Variants in SNX7 observed in about 807,000 individuals in gnomAD.
SNX7 encodes sorting nexin 7.
A neutral mutation model predicts 48.4 loss-of-function variants in SNX7; 35 were observed. That is an observed-to-expected ratio of 0.72 (90% confidence interval 0.55 to 0.96). The LOEUF (loss-of-function observed/expected upper bound fraction) is 0.96. Among genes scored for constraint, SNX7 ranks in the 40% least tolerant of loss-of-function variants. The pLI, the probability that SNX7 is intolerant of heterozygous loss-of-function variation, is 0.00. For synonymous variants in SNX7, 190 were observed against 190.2 expected, an observed-to-expected ratio of 1.00 and a Z score of 0.01; for missense variants, 553 against 548.9, an observed-to-expected ratio of 1.01 and a Z score of -0.07.
At chr1:98,741,444 A>T (rs1363733124) in intron 8 of SNX7, among the ~76,000 whole-genome samples, 1 of 152,152 alleles carries the variant, frequency 6.6e-6, no homozygotes, top group Non-Finnish European at 1.5e-5. Context: ...TTGTACTTAG[A>T]TGTATGAATT....
At chr1:98,672,609 T>C (rs1313003472) in intron 1 of SNX7, among the ~76,000 whole-genome samples, 1 of 151,844 alleles carries the variant, frequency 6.6e-6, no homozygotes, top group South Asian at 2.1e-4. Flanking sequence ...ATACAAGAGG[T>C]AAAATTTTCT....
At chr1:98,663,681 A>G (rs1649392572) in intron 1 of SNX7, among the ~76,000 whole-genome samples, 1 of 152,184 alleles carries the variant, frequency 6.6e-6, no homozygotes, top group Non-Finnish European at 1.5e-5. Flanking sequence ...CTAGATCTCC[A>G]TGGCTCCAAT....
intron 6 of SNX7, among the ~76,000 whole-genome samples, chr1:98,699,379 G>C (rs551081143): frequency 6.6e-6 from 1 of 152,018 alleles, no homozygotes; most frequent in East Asian, 1.9e-4. Flanking sequence ...AAGTTAAAAT[G>C]TTTTTCTTTC....
At chr1:98,662,010 G>T in intron 1 of SNX7, 99 bp downstream of exon 1, 1 of 1,190,126 alleles carries the variant, frequency 8.4e-7, no homozygotes, top group Non-Finnish European at 1.1e-6. Flanking sequence ...TGCCCTCCCG[G>T]GGCGGTGGCT....
chr1:98,662,417 A>G, intron 1 of SNX7: 1 of 258,026 alleles, frequency 3.9e-6, no homozygotes, highest in African/African-American at 2.3e-5. Flanking sequence ...AGGTTCTAGG[A>G]AATCTCCCTG....
chr1:98,720,375 G>A (rs899285099), intron 7 of SNX7, among the ~76,000 whole-genome samples: 1 of 151,790 alleles, frequency 6.6e-6, no homozygotes, highest in African/African-American at 2.4e-5. Context: ...TTTGCCTCAG[G>A]CTAATATTTC....
chr1:98,729,420 T>C (rs1215273999), intron 7 of SNX7, among the ~76,000 whole-genome samples: 2 of 149,674 alleles, frequency 1.3e-5, no homozygotes, highest in East Asian at 2.0e-4. Context: ...AAACAAGAAA[T>C]AGCCAAGATC....
intron 7 of SNX7, among the ~76,000 whole-genome samples, chr1:98,735,548 A>G (rs1653730541): frequency 6.6e-6 from 1 of 152,114 alleles, no homozygotes; most frequent in East Asian, 1.9e-4. Flanking sequence ...TAATACCTAG[A>G]CACTAGTAGA....
chr1:98,714,835 C>G (rs1265793077), intron 7 of SNX7, among the ~76,000 whole-genome samples: 1 of 152,150 alleles, frequency 6.6e-6, no homozygotes, highest in Non-Finnish European at 1.5e-5. Context: ...GAGTTTTCTT[C>G]TGTTTGCAAT....
At chr1:98,679,404 C>T (rs747362487) in intron 1 of SNX7, among the ~76,000 whole-genome samples, 5 of 152,072 alleles carry the variant, frequency 3.3e-5, no homozygotes, top group Non-Finnish European at 5.9e-5. Flanking sequence ...CATATCACTC[C>T]ACCCCTGGCG....
chr1:98,691,985 G>A (rs1410048502), intron 4 of SNX7, among the ~76,000 whole-genome samples: 4 of 148,108 alleles, frequency 2.7e-5, no homozygotes, highest in Non-Finnish European at 4.5e-5. Context: ...TTATGTCAGG[G>A]TGCTTCTTGC....
At chr1:98,667,331 T>TA (rs1649588994) in intron 1 of SNX7, among the ~76,000 whole-genome samples, 1 of 152,156 alleles carries the variant, frequency 6.6e-6, no homozygotes, top group African/African-American at 2.4e-5. Flanking sequence ...TCATTGTAAG[T>TA]AAAAATACCA....
chr1:98,663,722 A>G (rs762306932), intron 1 of SNX7, among the ~76,000 whole-genome samples: 2 of 152,186 alleles, frequency 1.3e-5, no homozygotes, highest in Non-Finnish European at 2.9e-5. Flanking sequence ...CTCATTCTGA[A>G]TAATGTGTTT....
intron 2 of SNX7, 33 bp from the exon 3 acceptor site, chr1:98,691,042 G>A: frequency 7.0e-7 from 1 of 1,426,106 alleles, no homozygotes; most frequent in Non-Finnish European, 9.8e-7. Flanking sequence ...ATCTTATATT[G>A]CATGTGCTGT....
At chr1:98,692,144 A>G (rs997517492) in intron 4 of SNX7, among the ~76,000 whole-genome samples, 1 of 152,156 alleles carries the variant, frequency 6.6e-6, no homozygotes, top group Admixed American at 6.6e-5. Context: ...CTTAACTACT[A>G]GTAGCCTCCT....
chr1:98,759,261 G>A (rs964141881), intron 8 of SNX7, among the ~76,000 whole-genome samples: 3 of 151,832 alleles, frequency 2.0e-5, no homozygotes, highest in Non-Finnish European at 2.9e-5. Flanking sequence ...AGCTCAGGCT[G>A]AATATATATT....
intron 5 of SNX7, among the ~76,000 whole-genome samples, chr1:98,696,392 T>C (rs190737195): frequency 1.7e-3 from 252 of 152,254 alleles, no homozygotes; most frequent in Admixed American, 4.6e-3. Context: ...AATTGACCTC[T>C]ACTTAACTGT....
chr1:98,713,889 T>C (rs1051674956), intron 7 of SNX7, among the ~76,000 whole-genome samples: 2 of 152,086 alleles, frequency 1.3e-5, no homozygotes, highest in African/African-American at 2.4e-5. Context: ...CCATCACAGA[T>C]AGGATAATAA....
chr1:98,725,630 C>A (rs1035696048), intron 7 of SNX7, among the ~76,000 whole-genome samples: 1 of 152,114 alleles, frequency 6.6e-6, no homozygotes, highest in Non-Finnish European at 1.5e-5. Flanking sequence ...GATTGCTAGA[C>A]AGCTTTTTTT....
Sources: gnomAD v4.1 joint callset for allele counts (sites outside exome capture counted in the v4.1 genomes callset) on GRCh38, gnomAD v4.1.1 for gene constraint, MANE v1.5 for transcripts, NCBI Gene and HGNC (gene_info 2026-07-23, HGNC 2026-07-21) for gene names.